LCLAT1: variants seen among roughly 807,000 people sequenced by gnomAD.
LCLAT1 encodes lysocardiolipin acyltransferase 1.
In LCLAT1, 11 loss-of-function variants were observed where a neutral mutation model predicts 30.7. That is an observed-to-expected ratio of 0.36 (90% CI 0.23 to 0.59). The LOEUF (loss-of-function observed/expected upper bound fraction) is 0.59. Ranked by LOEUF, LCLAT1 falls within the 20% of genes least tolerant of loss-of-function variation. The pLI is 0.77. For synonymous variants in LCLAT1, 155 were observed against 151.3 expected (o/e 1.02, Z -0.18); for missense variants, 402 against 458.6 (o/e 0.88, Z 1.13).
At chr2:30,527,647 C>A (rs144187289) in intron 2 of LCLAT1, among the ~76,000 whole-genome samples, 3 of 152,252 alleles carry the variant, frequency 2.0e-5, no homozygotes, top group African/African-American at 7.2e-5. Flanking sequence ...GGCTAAGCTC[C>A]TTAGCCTCAT....
chr2:30,576,830 C>G (rs1666009605), intron 5 of LCLAT1, among the ~76,000 whole-genome samples: 1 of 151,606 alleles, frequency 6.6e-6, no homozygotes, highest in Non-Finnish European at 1.5e-5. Flanking sequence ...CTGCATTTTT[C>G]TAATTATTAG....
At chr2:30,523,839 G>A (rs928259491) in intron 1 of LCLAT1, among the ~76,000 whole-genome samples, 8 of 152,216 alleles carry the variant, frequency 5.3e-5, no homozygotes, top group Admixed American at 1.3e-4. Flanking sequence ...CTGTACTTCA[G>A]CCTAGCGACA....
chr2:30,633,900 C>CTT (rs752121545), intron 5 of LCLAT1, among the ~76,000 whole-genome samples: 4 of 152,188 alleles, frequency 2.6e-5, no homozygotes, highest in Non-Finnish European at 4.4e-5. Flanking sequence ...ACAAAAGCCT[C>CTT]TTTCCATTCT....
intron 5 of LCLAT1, among the ~76,000 whole-genome samples, chr2:30,571,055 C>A (rs1390966045): frequency 1.3e-5 from 2 of 152,150 alleles, no homozygotes; most frequent in Non-Finnish European, 2.9e-5. Flanking sequence ...GACTTGAGAT[C>A]ATCATATAGA....
intron 1 of LCLAT1, among the ~76,000 whole-genome samples, chr2:30,500,894 A>G (rs1684342863): frequency 6.6e-6 from 1 of 152,124 alleles, no homozygotes; most frequent in Non-Finnish European, 1.5e-5. Flanking sequence ...CTTTTTCAGG[A>G]TACCAACCAT....
intron 1 of LCLAT1, among the ~76,000 whole-genome samples, chr2:30,452,853 C>G (rs954246074): frequency 2.0e-5 from 3 of 152,040 alleles, no homozygotes; most frequent in African/African-American, 7.2e-5. Flanking sequence ...AAGTTTTATT[C>G]ACACCTTTAC....
At chr2:30,637,497 C>A (rs1351615553) in intron 5 of LCLAT1, among the ~76,000 whole-genome samples, 1 of 152,138 alleles carries the variant, frequency 6.6e-6, no homozygotes, top group African/African-American at 2.4e-5. Flanking sequence ...GTGGTCAGCG[C>A]CAGCCCTTTC....
At chr2:30,613,756 C>A (rs1667857202) in intron 5 of LCLAT1, among the ~76,000 whole-genome samples, 1 of 80,202 alleles carries the variant, frequency 1.2e-5, no homozygotes, top group Non-Finnish European at 2.4e-5. Context: ...GCATCATAGA[C>A]AATGTAAAGG....
At chr2:30,492,229 A>G (rs1011286902) in intron 1 of LCLAT1, among the ~76,000 whole-genome samples, 2 of 152,192 alleles carry the variant, frequency 1.3e-5, no homozygotes, top group African/African-American at 2.4e-5. Context: ...CAATAACACT[A>G]TGTACATTAT....
chr2:30,549,123 G>A (rs576205365), intron 3 of LCLAT1, among the ~76,000 whole-genome samples: 2 of 152,324 alleles, frequency 1.3e-5, no homozygotes, highest in Admixed American at 6.5e-5. Flanking sequence ...TTTTGAATGT[G>A]TTATCTGACT....
At chr2:30,461,294 G>A (rs1248903640) in intron 1 of LCLAT1, among the ~76,000 whole-genome samples, 1 of 152,204 alleles carries the variant, frequency 6.6e-6, no homozygotes, top group Non-Finnish European at 1.5e-5. Flanking sequence ...AGAGTGCAGT[G>A]TGCTTACCCT....
chr2:30,459,325 G>A (rs534066774), intron 1 of LCLAT1, among the ~76,000 whole-genome samples: 15 of 152,256 alleles, frequency 9.9e-5, no homozygotes, highest in African/African-American at 3.1e-4. Flanking sequence ...CTGGAACTTT[G>A]TAGAGGTGGC....
At chr2:30,510,200 C>T (rs970951955) in intron 1 of LCLAT1, among the ~76,000 whole-genome samples, 1 of 151,846 alleles carries the variant, frequency 6.6e-6, no homozygotes, top group African/African-American at 2.4e-5. Context: ...TGATCTCTTA[C>T]TTGCTGTATT....
At chr2:30,595,263 T>G (rs1010541411) in intron 5 of LCLAT1, among the ~76,000 whole-genome samples, 7 of 150,042 alleles carry the variant, frequency 4.7e-5, no homozygotes, top group South Asian at 2.1e-4. Flanking sequence ...TTGTGGGGGT[T>G]TTTTTTTCCC....
chr2:30,452,981 T>C (rs1390596788), intron 1 of LCLAT1, among the ~76,000 whole-genome samples: 1 of 152,154 alleles, frequency 6.6e-6, no homozygotes, highest in African/African-American at 2.4e-5. Context: ...GAGGATTAGC[T>C]GCCTTGTCTG....
At chr2:30,489,593 C>A (rs1205132451) in intron 1 of LCLAT1, among the ~76,000 whole-genome samples, 2 of 152,212 alleles carry the variant, frequency 1.3e-5, no homozygotes, top group African/African-American at 4.8e-5. Flanking sequence ...ACCTCGTGAT[C>A]TGCCCGCCTT....
intron 5 of LCLAT1, among the ~76,000 whole-genome samples, chr2:30,589,965 G>C (rs944868825): frequency 2.0e-4 from 31 of 152,102 alleles, no homozygotes; most frequent in Non-Finnish European, 3.7e-4. Flanking sequence ...TCTTCCTTCT[G>C]TATGGCATTT....
intron 5 of LCLAT1, among the ~76,000 whole-genome samples, 160 bp from the exon 6 acceptor site, chr2:30,639,957 C>T (rs542477974): frequency 6.7e-6 from 1 of 150,362 alleles, no homozygotes; most frequent in East Asian, 2.0e-4. Flanking sequence ...AAATATTGAC[C>T]CAGGTGTCCA....
chr2:30,454,650 T>A (rs534839785), intron 1 of LCLAT1, among the ~76,000 whole-genome samples: 5 of 151,274 alleles, frequency 3.3e-5, no homozygotes, highest in Admixed American at 3.3e-4. Flanking sequence ...GATATTGTTG[T>A]GTTGCCTGGG....
Sources: allele counts gnomAD v4.1 joint callset (sites outside exome capture counted in the v4.1 genomes callset), GRCh38; gene constraint gnomAD v4.1.1; transcripts MANE v1.5; gene names NCBI Gene and HGNC (gene_info 2026-07-23, HGNC 2026-07-21).